PSD4: variants seen among roughly 807,000 people sequenced by gnomAD.
PSD4 encodes PH and SEC7 domain-containing protein 4.
A neutral mutation model predicts 112.5 loss-of-function variants in PSD4; 59 were observed. The observed-to-expected ratio is 0.52, with a 90% CI of 0.43 to 0.65. PSD4 has a LOEUF of 0.65. Among genes scored for constraint, PSD4 ranks in the 30% least tolerant of loss-of-function variants. The pLI is 0.00. For missense variants in PSD4, 1,267 were observed against 1,352.6 expected, an observed-to-expected ratio of 0.94 and a Z score of 0.99; for synonymous variants, 533 against 540.0, an observed-to-expected ratio of 0.99 and a Z score of 0.18.
At chr2:113,177,579 C>CT (rs1401983051) in intron 1 of PSD4, among the ~76,000 whole-genome samples, 2 of 152,190 alleles carry the variant, frequency 1.3e-5, no homozygotes, top group Non-Finnish European at 1.5e-5. Flanking sequence ...GCCTGAACCT[C>CT]TTACGTCAAC....
chr2:113,182,157 G>A (rs911245503), intron 1 of PSD4, among the ~76,000 whole-genome samples, 189 bp from the exon 2 acceptor site: 1 of 152,190 alleles, frequency 6.6e-6, no homozygotes, highest in Non-Finnish European at 1.5e-5. Flanking sequence ...CCTGGTGCAA[G>A]TTTAGAGATT....
intron 14 of PSD4, chr2:113,198,260 GT>G (rs546867012): frequency 9.9e-4 from 285 of 289,234 alleles, no homozygotes; most frequent in African/African-American, 5.7e-3. Flanking sequence ...TTCTCAGATT[GT>G]CCTCTTTATT....
chr2:113,197,980 T>C (rs1181869025), intron 14 of PSD4, 67 bp downstream of exon 14: 3 of 1,438,570 alleles, frequency 2.1e-6, no homozygotes, highest in African/African-American at 1.4e-5. Flanking sequence ...CCCCTGACCC[T>C]GCTGACACCT....
Position 113,183,081 on chromosome 2 carries a change from G to A in PSD4, c.625G>A (p.Glu209Lys), listed in dbSNP as rs1688194689. The A allele has an allele frequency of 1.2e-6, 2 of 1,612,950 alleles. No homozygotes were observed. The highest frequency in any genetic ancestry group is 1.7e-5 in the Admixed American group (1 of 59,956). ...TGLHSSPPENEDSGEDSSEPE... is the reference protein window; with the variant it reads ...TGLHSSPPENKDSGEDSSEPE... ...CCTGCACTCCAGCCCACCTGAGAAT[G>A]AAGACTCAGGGGAAGACAGCAGTGA... The change falls in exon 2 of 17, where the codon GAA (glutamate) becomes AAA (lysine). Residue 209 changes from glutamate to lysine, a missense_variant. Physicochemically the swap from Glu to Lys is moderately conservative, Grantham distance 56. This residue lies in a region of PSD4 where 723 missense variants were observed against 704.0 expected (regional missense o/e 1.03). Transcript: ENST00000245796.
chr2:113,187,437 G>A (rs1381108215), intron 5 of PSD4, among the ~76,000 whole-genome samples: 1 of 152,208 alleles, frequency 6.6e-6, no homozygotes, highest in East Asian at 1.9e-4. Flanking sequence ...GAAGCTAGGT[G>A]GGCTCTAGTA....
Position 113,208,647 on chromosome 2 carries a change from G to C in PSD4, c.*7232G>C, listed in dbSNP as rs1688898331. The C allele has an allele frequency of 6.6e-6, 1 of 152,208 alleles. No homozygotes were observed. The highest frequency in any genetic ancestry group is 2.4e-5 in the African/African-American group (1 of 41,438). The allele number at this position is 152,208 out of a possible 1,614,324, so 9.4% of individuals were successfully genotyped here. On this transcript the variant is annotated 3_prime_UTR_variant, in exon 17 of 17. Transcript: ENST00000245796. ...TCTGTGGTGTGACACAGGTTCAGGA[G>C]GAGGTACCCAGACACAGAAGAGATG...
chr2:113,181,947 T>C (rs1005610365), intron 1 of PSD4, among the ~76,000 whole-genome samples: 3 of 152,208 alleles, frequency 2.0e-5, no homozygotes, highest in African/African-American at 7.2e-5. Flanking sequence ...TTGGTTTACA[T>C]GTCCTTTGTG....
In PSD4 at chr2:113,201,534, CTG is replaced by C; in HGVS notation, c.*120_*121del. Reference sequence around the variant, plus strand: ...ACGGATGAGGCACCTCCTTTCCCTGCTGAAGGACAAACCTTGTTTCCCTGTGG... The same window carrying C: ...ACGGATGAGGCACCTCCTTTCCCTGCAAGGACAAACCTTGTTTCCCTGTGG... On this transcript the variant is annotated 3_prime_UTR_variant, in exon 17 of 17. Coordinates refer to ENST00000245796, the MANE Select transcript of PSD4 (RefSeq NM_012455.3). 7.3e-7 allele frequency: 1 copy of C among 1,363,942 alleles called. No individual in the cohort carries two copies. The highest frequency in any genetic ancestry group is 1.4e-5 in the African/African-American group (1 of 69,500). 84.5% of individuals were successfully genotyped at this position (1,363,942 alleles called of 1,614,324 possible). A position where few individuals can be genotyped will look rare whatever the true frequency, so the allele number is the denominator to read the frequency against.
At chr2:113,192,965 G>A (rs921592361) in intron 6 of PSD4, 83 bp from the exon 7 acceptor site, 1 of 1,364,068 alleles carries the variant, frequency 7.3e-7, no homozygotes, top group Non-Finnish European at 1.0e-6. Flanking sequence ...CGCATAATGT[G>A]TGCAGGCCCT....
intron 1 of PSD4, among the ~76,000 whole-genome samples, chr2:113,180,568 A>G (rs17043077): frequency 0.03 from 4,527 of 152,296 alleles, 89 homozygotes; most frequent in African/African-American, 0.062. Flanking sequence ...AGAGAGCTGC[A>G]GACCGGAAGG....
At chr2:113,188,591 A>T (rs1293275833) in intron 5 of PSD4, among the ~76,000 whole-genome samples, 1 of 148,570 alleles carries the variant, frequency 6.7e-6, no homozygotes, top group African/African-American at 2.5e-5. Context: ...TTATTTATTT[A>T]TTTTTTTGAG....
Position 113,209,184 on chromosome 2 carries a change from C to T in PSD4, c.*7769C>T, listed in dbSNP as rs6758868. 15 of 152,196 alleles carry T rather than the reference C, an allele frequency of 9.9e-5. No homozygotes were observed. Among genetic ancestry groups the T allele is most frequent in the African/African-American group, 2.7e-4 (11 of 41,446 alleles). 9.4% of individuals were successfully genotyped at this position (152,196 alleles called of 1,614,324 possible). A position where few individuals can be genotyped will look rare whatever the true frequency, so the allele number is the denominator to read the frequency against. On this transcript the variant is annotated 3_prime_UTR_variant, in exon 17 of 17. Transcript: ENST00000245796. Reference sequence around the variant, plus strand: ...ACCACAACACCCTTTCAGTTGACCACTAAGAGACTGAAGGCCAATTCCGGA... The same window carrying T: ...ACCACAACACCCTTTCAGTTGACCATTAAGAGACTGAAGGCCAATTCCGGA...
intron 1 of PSD4, among the ~76,000 whole-genome samples, chr2:113,174,701 G>T (rs572989053): frequency 6.6e-6 from 1 of 152,270 alleles, no homozygotes; most frequent in Admixed American, 6.5e-5. Flanking sequence ...TAGGCCTGTT[G>T]TCCTGATGGG....
intron 10 of PSD4, among the ~76,000 whole-genome samples, chr2:113,195,221 T>C (rs1039840356): frequency 6.6e-6 from 1 of 151,288 alleles, no homozygotes; most frequent in African/African-American, 2.4e-5. Context: ...AGTGCAGTGG[T>C]GTGATCTTGG....
chr2:113,204,971 CT>C lies in PSD4; in HGVS notation c.*3570del, dbSNP rs1296386317. 445 of 144,212 alleles carry C rather than the reference CT, an allele frequency of 3.1e-3. No individual in the cohort carries two copies. The highest frequency in any genetic ancestry group is 3.8e-3 in the South Asian group (17 of 4,524). 8.9% of individuals were successfully genotyped at this position (144,212 alleles called of 1,614,324 possible). On this transcript the variant is annotated 3_prime_UTR_variant, in exon 17 of 17. Coordinates refer to ENST00000245796, the MANE Select transcript of PSD4 (RefSeq NM_012455.3). ...GGCTTTTTGTGAATGTGCAGTGCAA[CT>C]TTTTTTTTTTTTTGAGACAGAGTCT...
intron 12 of PSD4, chr2:113,196,653 G>C (rs749550418): frequency 3.0e-5 from 6 of 202,400 alleles, no homozygotes; most frequent in Non-Finnish European, 5.0e-5. Flanking sequence ...AAAGGTTTTT[G>C]GTTTTGTTTT....
intron 10 of PSD4, among the ~76,000 whole-genome samples, chr2:113,194,163 G>C (rs1688534089): frequency 6.6e-6 from 1 of 152,224 alleles, no homozygotes; most frequent in African/African-American, 2.4e-5. Flanking sequence ...CAGGCTCCCT[G>C]TGCTGGACTT....
At position 113,185,917 on chromosome 2, in the gene PSD4, C is replaced by T. The variant is rs1477466675; in HGVS notation, c.1290C>T (p.Cys430=). The change falls in exon 5 of 17, where the codon TGC becomes TGT. Residue 430 remains cysteine, a synonymous_variant. Coordinates refer to ENST00000245796, the MANE Select transcript of PSD4 (RefSeq NM_012455.3). ...EGGHPQESLP[C]TLAPCPWRSP... ...GACACCCCCAGGAATCTCTTCCCTGCACCTTGGCCCCCTGCCCCTGGAGGA... is the reference window on the plus strand; with the variant it reads ...GACACCCCCAGGAATCTCTTCCCTGTACCTTGGCCCCCTGCCCCTGGAGGA... The T allele has an allele frequency of 6.2e-7, 1 of 1,613,440 alleles. No individual in the cohort carries two copies.
chr2:113,186,153 G>A lies in PSD4; in HGVS notation c.1526G>A (p.Gly509Glu). The A allele has an allele frequency of 1.9e-6, 3 of 1,614,186 alleles. No homozygotes were observed. The highest frequency in any genetic ancestry group is 1.7e-6 in the Non-Finnish European group (2 of 1,180,046). Residue 509 changes from glycine to glutamate, a missense_variant, in exon 5 of 17, where the codon GGG becomes GAG. This residue lies in a region of PSD4 where 723 missense variants were observed against 704.0 expected (regional missense o/e 1.03). Transcript: ENST00000245796. The part of the protein sequence containing the change: ...QPSSLKKKEA[G>E]EAPKPGEEVK... ...AGTTCCTTGAAGAAAAAGGAGGCAG[G>A]GGAGGCCCCAAAACCAGGCGAGGAA... is the stretch of plus-strand genomic sequence containing the variant.
Sources: allele counts gnomAD v4.1 joint callset (sites outside exome capture counted in the v4.1 genomes callset), GRCh38; gene constraint gnomAD v4.1.1; regional missense constraint gnomAD v4.1.1; transcripts MANE v1.5; gene names NCBI Gene and HGNC (gene_info 2026-07-23, HGNC 2026-07-21).